Variants in OTUD4 observed in about 807,000 individuals in gnomAD.
The protein encoded by OTUD4 is OTU domain-containing protein 4.
In OTUD4, 24 loss-of-function variants were observed where a neutral mutation model predicts 130.4. The ratio of observed to expected loss-of-function variants is 0.18; its 90% CI spans 0.13 to 0.26. OTUD4 has a LOEUF of 0.26. OTUD4 is among the 10% of genes least tolerant of loss of function. OTUD4 has a pLI of 1.00. For synonymous variants in OTUD4, 420 were observed against 472.5 expected (o/e 0.89, Z 1.44); for missense variants, 1,031 against 1,329.4 (o/e 0.78, Z 3.49).
At chr4:145,157,848 C>A (rs896821913) in intron 7 of OTUD4, among the ~76,000 whole-genome samples, 1 of 152,206 alleles carries the variant, frequency 6.6e-6, no homozygotes, top group Non-Finnish European at 1.5e-5. Context: ...AGCTTACTAG[C>A]CCCTACTCTA....
intron 19 of OTUD4, 60 bp from the exon 20 acceptor site, chr4:145,140,051 T>A (rs1262199500): frequency 1.8e-6 from 1 of 559,124 alleles, no homozygotes; most frequent in Admixed American, 3.5e-5. Flanking sequence ...TTTTAAATCA[T>A]CCTCATTAAA....
chr4:145,156,632 G>A (rs1473278722), intron 7 of OTUD4, among the ~76,000 whole-genome samples: 8 of 151,402 alleles, frequency 5.3e-5, no homozygotes, highest in Admixed American at 2.6e-4. Flanking sequence ...GCAGTGAGCT[G>A]TGATCACACC....
At chr4:145,161,846 T>C (rs888676256) in intron 6 of OTUD4, among the ~76,000 whole-genome samples, 3 of 152,240 alleles carry the variant, frequency 2.0e-5, no homozygotes, top group African/African-American at 7.2e-5. Context: ...TTTCAAGCTA[T>C]ACACTAACAG....
At chr4:145,156,370 C>T (rs561778393) in intron 7 of OTUD4, among the ~76,000 whole-genome samples, 31 of 152,230 alleles carry the variant, frequency 2.0e-4, no homozygotes, top group African/African-American at 7.0e-4. Context: ...TAGGCAGATT[C>T]GACAACCCTT....
chr4:145,179,645 A>G, intron 1 of OTUD4, 170 bp downstream of exon 1: 1 of 1,400,018 alleles, frequency 7.1e-7, no homozygotes, highest in Non-Finnish European at 9.2e-7. Flanking sequence ...CACCTTTCAG[A>G]CGCAAAGCAG....
rs1331273303 is a variant in OTUD4 at position 145,136,381 on chromosome 4, A to G, written c.*1049T>C. ...TAGAAAAGAACTAGAAGTCACAATC[A>G]TATTATCTTCTATACAATAGTTCCA... On this transcript the variant is annotated 3_prime_UTR_variant, in exon 21 of 21. Transcript: ENST00000447906. 1 of 147,532 alleles carries G rather than the reference A, an allele frequency of 6.8e-6. No homozygotes were observed. Among genetic ancestry groups the G allele is most frequent in the Non-Finnish European group, 1.5e-5 (1 of 67,238 alleles). The allele number at this position is 147,532 out of a possible 1,614,324, so 9.1% of individuals were successfully genotyped here.
At chr4:145,170,727 C>T (rs983111549) in intron 3 of OTUD4, 1 of 152,134 alleles carries the variant, frequency 6.6e-6, no homozygotes, top group Non-Finnish European at 1.5e-5. Flanking sequence ...GATCAAACAC[C>T]CTTGGTTCCT....
intron 15 of OTUD4, 150 bp downstream of exon 15, chr4:145,144,161 T>A: frequency 9.8e-7 from 1 of 1,019,574 alleles, no homozygotes; most frequent in African/African-American, 1.6e-5. Context: ...TCCTTTAGCT[T>A]GAGTCAATAC....
chr4:145,179,991 A>G lies in OTUD4; in HGVS notation c.-18T>C. The G allele has an allele frequency of 6.8e-7, 1 of 1,477,734 alleles. No homozygotes were observed. The highest frequency in any genetic ancestry group is 8.9e-7 in the Non-Finnish European group (1 of 1,125,028). 91.5% of individuals were successfully genotyped at this position (1,477,734 alleles called of 1,614,324 possible). On this transcript the variant is annotated 5_prime_UTR_variant, in exon 1 of 21. Transcript: ENST00000447906. ...GCCTCCATGTTGCTGGTCCTGCTGCAGGCCAGGCGCGGCGAGGGCTAGCCC... is the reference window on the plus strand; with the variant it reads ...GCCTCCATGTTGCTGGTCCTGCTGCGGGCCAGGCGCGGCGAGGGCTAGCCC...
Position 145,135,081 on chromosome 4 carries a change from C to A in OTUD4, c.*2349G>T. 7 of 345,330 alleles carry A rather than the reference C, an allele frequency of 2.0e-5. No homozygotes were observed. The highest frequency in any genetic ancestry group is 2.5e-5 in the Non-Finnish European group (5 of 196,372). 21.4% of individuals were successfully genotyped at this position (345,330 alleles called of 1,614,324 possible). A position where few individuals can be genotyped will look rare whatever the true frequency, so the allele number is the denominator to read the frequency against. On this transcript the variant is annotated 3_prime_UTR_variant, in exon 21 of 21. Coordinates refer to ENST00000447906, the MANE Select transcript of OTUD4 (RefSeq NM_001366057.1). ...CTGGACTAATACATTTAAAAACAAACTTAAAGGAAAAAAAGCGAAACCAAC... is the reference window on the plus strand; with the variant it reads ...CTGGACTAATACATTTAAAAACAAAATTAAAGGAAAAAAAGCGAAACCAAC...
intron 15 of OTUD4, 21 bp downstream of exon 15, chr4:145,144,286 GCTTT>G: frequency 6.2e-7 from 1 of 1,601,766 alleles, no homozygotes; most frequent in African/African-American, 1.3e-5. Context: ...TCTAGCATCT[GCTTT>G]CTAATGATGA....
intron 1 of OTUD4, among the ~76,000 whole-genome samples, chr4:145,177,692 G>A (rs921351200): frequency 6.6e-6 from 1 of 152,108 alleles, no homozygotes; most frequent in Admixed American, 6.5e-5. Flanking sequence ...TCAGGCCTCC[G>A]GCAGGCCCAA....
intron 2 of OTUD4, 92 bp from the exon 3 acceptor site, chr4:145,171,812 G>A: frequency 2.8e-6 from 2 of 722,166 alleles, no homozygotes. Flanking sequence ...GTGAATTACT[G>A]AGTTTGTACA....
chr4:145,147,217 ATCC>A (rs1221980126), intron 13 of OTUD4, among the ~76,000 whole-genome samples: 1 of 152,246 alleles, frequency 6.6e-6, no homozygotes, highest in Non-Finnish European at 1.5e-5. Context: ...AAGAAATATT[ATCC>A]TCCTCGAGTA....
intron 17 of OTUD4, among the ~76,000 whole-genome samples, chr4:145,142,699 A>G (rs1199962619): frequency 6.6e-6 from 1 of 152,258 alleles, no homozygotes; most frequent in Non-Finnish European, 1.5e-5. Context: ...TAGCAGAGTT[A>G]AATACAACAC....
At chr4:145,144,813 T>C (rs1279111041) in intron 14 of OTUD4, among the ~76,000 whole-genome samples, 1 of 151,944 alleles carries the variant, frequency 6.6e-6, no homozygotes, top group Non-Finnish European at 1.5e-5. Context: ...TGGTGGGGAG[T>C]TGGGGAGAAC....
In OTUD4 at chr4:145,134,985, G is replaced by A. The variant is rs1209117334; in HGVS notation, c.*2445C>T. 2.5e-6 allele frequency: 1 copy of A among 392,760 alleles called. No homozygotes were observed. The highest frequency in any genetic ancestry group is 2.1e-5 in the African/African-American group (1 of 48,334). The allele number at this position is 392,760 out of a possible 1,614,324, so 24.3% of individuals were successfully genotyped here. A position where few individuals can be genotyped will look rare whatever the true frequency, so the allele number is the denominator to read the frequency against. On this transcript the variant is annotated 3_prime_UTR_variant, in exon 21 of 21. Transcript: ENST00000447906. ...AAGAAATATGTCAACATAACAGTAT[G>A]ACATAACAGTTAAAATGAAGGACAA...
intron 6 of OTUD4, among the ~76,000 whole-genome samples, chr4:145,160,618 G>C (rs1751511600): frequency 6.6e-6 from 1 of 152,120 alleles, no homozygotes; most frequent in Non-Finnish European, 1.5e-5. Context: ...TTCAAGACCA[G>C]CCTGGCCAAC....
chr4:145,171,336 G>T, intron 3 of OTUD4: 3 of 164,656 alleles, frequency 1.8e-5, no homozygotes, highest in African/African-American at 2.5e-5. Context: ...AAAAAAAAAA[G>T]AAATCAAACT....
Sources: gnomAD v4.1 joint callset for allele counts (sites outside exome capture counted in the v4.1 genomes callset) on GRCh38, gnomAD v4.1.1 for gene constraint, MANE v1.5 for transcripts, NCBI Gene and HGNC (gene_info 2026-07-23, HGNC 2026-07-21) for gene names.